ZBTB20: variants seen among roughly 807,000 people sequenced by gnomAD.
ZBTB20 encodes zinc finger and BTB domain-containing protein 20.
Under a neutral mutation model 56.9 loss-of-function variants are expected in ZBTB20, and 9 were observed. The ratio of observed to expected loss-of-function variants is 0.16; its 90% CI spans 0.10 to 0.28. The LOEUF (loss-of-function observed/expected upper bound fraction) is 0.28. Among genes scored for constraint, ZBTB20 ranks in the 10% least tolerant of loss-of-function variants. The pLI is 1.00. For synonymous variants in ZBTB20, 417 were observed against 420.7 expected, an observed-to-expected ratio of 0.99 and a Z score of 0.11; for missense variants, 655 against 1,003.0, an observed-to-expected ratio of 0.65 and a Z score of 4.69.
intron 6 of ZBTB20, among the ~76,000 whole-genome samples, chr3:114,615,527 G>T (rs1337015512): frequency 1.3e-5 from 2 of 152,198 alleles, no homozygotes; most frequent in African/African-American, 4.8e-5. Flanking sequence ...CATGCTGGAA[G>T]ATCCTGACTT....
intron 6 of ZBTB20, among the ~76,000 whole-genome samples, chr3:114,677,630 T>G (rs1882285): frequency 0.81 from 123,792 of 152,060 alleles, 52,870 homozygotes; most frequent in Non-Finnish European, 0.97. Context: ...AAAACGTTGG[T>G]GGCTGCTGGC....
intron 6 of ZBTB20, among the ~76,000 whole-genome samples, chr3:114,624,686 A>G (rs1175324938): frequency 1.3e-5 from 2 of 152,120 alleles, no homozygotes; most frequent in Non-Finnish European, 2.9e-5. Flanking sequence ...TACCATCCAG[A>G]CATTTTCAGA....
chr3:114,530,131 T>C (rs1394761413), intron 6 of ZBTB20, among the ~76,000 whole-genome samples: 1 of 152,238 alleles, frequency 6.6e-6, no homozygotes, highest in East Asian at 1.9e-4. Context: ...GTACAGTGCT[T>C]ATAAAGTCTA....
chr3:114,640,226 T>C (rs937293949), intron 6 of ZBTB20, among the ~76,000 whole-genome samples: 1 of 152,032 alleles, frequency 6.6e-6, no homozygotes, highest in Non-Finnish European at 1.5e-5. Flanking sequence ...GGGCTGTGAA[T>C]AGTCTAAATT....
At chr3:114,731,361 A>C (rs1447089675) in intron 5 of ZBTB20, among the ~76,000 whole-genome samples, 1 of 152,176 alleles carries the variant, frequency 6.6e-6, no homozygotes, top group Non-Finnish European at 1.5e-5. Flanking sequence ...TATAAAGGCA[A>C]TATCTTGCAT....
intron 2 of ZBTB20, among the ~76,000 whole-genome samples, chr3:115,005,179 A>G (rs2079412889): frequency 6.6e-6 from 1 of 151,840 alleles, no homozygotes; most frequent in South Asian, 2.1e-4. Flanking sequence ...AAAAGGTTTA[A>G]TAGAATGTGG....
intron 2 of ZBTB20, among the ~76,000 whole-genome samples, chr3:115,061,957 C>T (rs1374005092): frequency 2.0e-5 from 3 of 152,124 alleles, no homozygotes; most frequent in Admixed American, 2.0e-4. Context: ...ACATTATGCA[C>T]TCTATGCTAT....
chr3:114,579,334 T>C (rs2054407894), intron 6 of ZBTB20, among the ~76,000 whole-genome samples: 1 of 151,650 alleles, frequency 6.6e-6, no homozygotes, highest in African/African-American at 2.4e-5. Flanking sequence ...CCCTTCTAAA[T>C]ACCTCAAGGG....
chr3:114,472,393 G>A (rs1040182630), intron 7 of ZBTB20, among the ~76,000 whole-genome samples: 1 of 152,134 alleles, frequency 6.6e-6, no homozygotes, highest in African/African-American at 2.4e-5. Flanking sequence ...GGAAGAAAGA[G>A]GACATAGGAA....
At chr3:114,690,966 C>T (rs1346726861) in intron 6 of ZBTB20, among the ~76,000 whole-genome samples, 2 of 152,030 alleles carry the variant, frequency 1.3e-5, no homozygotes, top group Non-Finnish European at 2.9e-5. Flanking sequence ...ATAATTAATG[C>T]TGTATAGATC....
chr3:114,695,396 G>A (rs1419590251), intron 5 of ZBTB20, among the ~76,000 whole-genome samples: 4 of 151,860 alleles, frequency 2.6e-5, no homozygotes, highest in African/African-American at 9.7e-5. Flanking sequence ...TGAGAGCCGA[G>A]AAGTCTACAT....
chr3:115,046,751 A>G (rs550852360), intron 2 of ZBTB20, among the ~76,000 whole-genome samples: 7 of 152,306 alleles, frequency 4.6e-5, no homozygotes, highest in Admixed American at 4.6e-4. Context: ...TCTCCTTGCT[A>G]TGGGCAAGTC....
chr3:114,740,472 A>T (rs1330652657), intron 5 of ZBTB20, among the ~76,000 whole-genome samples: 3 of 152,180 alleles, frequency 2.0e-5, no homozygotes, highest in Non-Finnish European at 4.4e-5. Context: ...ATAACAATAT[A>T]TGTTGGTTAA....
chr3:114,366,395 G>A (rs1487212320), intron 10 of ZBTB20, among the ~76,000 whole-genome samples: 1 of 151,918 alleles, frequency 6.6e-6, no homozygotes, highest in Non-Finnish European at 1.5e-5. Flanking sequence ...GGGGGGAATG[G>A]GGGTGGGACT....
chr3:114,992,610 G>A (rs193076728), intron 2 of ZBTB20, among the ~76,000 whole-genome samples: 46 of 151,954 alleles, frequency 3.0e-4, no homozygotes, highest in African/African-American at 8.0e-4. Context: ...ATATTTGTCC[G>A]CAGTGTGGGG....
chr3:114,901,495 A>T (rs1023890429), intron 3 of ZBTB20, among the ~76,000 whole-genome samples: 1 of 152,154 alleles, frequency 6.6e-6, no homozygotes, highest in African/African-American at 2.4e-5. Context: ...ACTGAGTACT[A>T]TGTATCAAGA....
At chr3:114,904,476 C>A (rs2075247298) in intron 3 of ZBTB20, 1 of 151,924 alleles carries the variant, frequency 6.6e-6, no homozygotes, top group South Asian at 2.1e-4. Context: ...CTATGTAATT[C>A]AAAATAATTT....
intron 7 of ZBTB20, among the ~76,000 whole-genome samples, chr3:114,470,856 T>C (rs1476875151): frequency 2.6e-5 from 4 of 152,186 alleles, no homozygotes; most frequent in Non-Finnish European, 5.9e-5. Context: ...TAATTATCAG[T>C]ATTACCTTAC....
At chr3:114,435,776 A>T (rs2090473462) in intron 7 of ZBTB20, among the ~76,000 whole-genome samples, 1 of 152,176 alleles carries the variant, frequency 6.6e-6, no homozygotes, top group African/African-American at 2.4e-5. Context: ...AGAATAAAAA[A>T]ATTCTTCATT....
Sources: allele counts gnomAD v4.1 joint callset (sites outside exome capture counted in the v4.1 genomes callset), GRCh38; gene constraint gnomAD v4.1.1; transcripts MANE v1.5; gene names NCBI Gene and HGNC (gene_info 2026-07-23, HGNC 2026-07-21).